Variants in ZFP37 observed in about 807,000 individuals in gnomAD.
ZFP37 encodes zinc finger protein 37 homolog.
ZFP37 carries 38 observed loss-of-function variants against 52.1 expected under a neutral mutation model. The ratio of observed to expected loss-of-function variants is 0.73; its 90% CI spans 0.56 to 0.96. ZFP37 has a LOEUF of 0.96. ZFP37 is among the 40% of genes least tolerant of loss of function. ZFP37 has a pLI of 0.00. For synonymous variants in ZFP37, 253 were observed against 259.5 expected (o/e 0.98, Z 0.24); for missense variants, 695 against 741.4 (o/e 0.94, Z 0.73).
chr9:113,045,743 A>C (rs2118694908), intron 3 of ZFP37, among the ~76,000 whole-genome samples: 1 of 152,304 alleles, frequency 6.6e-6, no homozygotes, highest in East Asian at 1.9e-4. Flanking sequence ...AAGAACCTGA[A>C]ATTGAAATTT....
rs777904870 is a variant in ZFP37, at chr9:113,049,398, T to C, written c.313A>G (p.Lys105Glu). 4 of 1,614,160 alleles carry C rather than the reference T, an allele frequency of 2.5e-6. No homozygotes were observed. Among genetic ancestry groups the C allele is most frequent in the Middle Eastern group, 3.3e-4 (2 of 6,062 alleles). The change falls in exon 3 of 4, where the codon AAA becomes GAA. Residue 105 changes from lysine to glutamate, a missense_variant. By Grantham distance (56) the Lys-to-Glu change is moderately conservative (BLOSUM62 1). This residue lies in a region of ZFP37 where 369 missense variants were observed against 340.9 expected (regional missense o/e 1.08). Coordinates refer to ENST00000374227, the MANE Select transcript of ZFP37 (RefSeq NM_003408.3). ...GKRPSQGCPS[K>E]IARPKQKETD... ...TCTTTTTGCTTGGGTCTTGCTATTT[T>C]ACTTGGACAACCTTGACTGGGTCTT...
At chr9:113,050,567 C>G (rs1193307915) in intron 1 of ZFP37, among the ~76,000 whole-genome samples, 1 of 151,176 alleles carries the variant, frequency 6.6e-6, no homozygotes, top group African/African-American at 2.4e-5. Context: ...ATTTATAGTT[C>G]TGAGGTAGAA....
At chr9:113,051,758 C>T (rs1211908514) in intron 1 of ZFP37, among the ~76,000 whole-genome samples, 1 of 152,092 alleles carries the variant, frequency 6.6e-6, no homozygotes, top group East Asian at 1.9e-4. Context: ...CCTGGCCAGA[C>T]CACCATTCAA....
rs1052741477 is a variant in ZFP37, at chr9:113,041,744, G to T, written c.*981C>A. On this transcript the variant is annotated 3_prime_UTR_variant, in exon 4 of 4. Transcript: ENST00000374227. ...ATAAGCATACAAAGATTTTAACTCT[G>T]TCAAAATCTGAGATCTCACATGTTG... 12 of 152,138 alleles carry T rather than the reference G, an allele frequency of 7.9e-5. No individual in the cohort carries two copies. Among genetic ancestry groups the T allele is most frequent in the Non-Finnish European group, 1.5e-4 (10 of 68,028 alleles). The allele number at this position is 152,138 out of a possible 1,614,324, so 9.4% of individuals were successfully genotyped here. A position where few individuals can be genotyped will look rare whatever the true frequency, so the allele number is the denominator to read the frequency against.
rs1275329574 is a variant in ZFP37 at position 113,043,814 on chromosome 9, T to C, written c.804A>G (p.Gly268=). ...GGCTGGGTGATTTCTCATGTTTCTC[T>C]CCAGTTTGAATTTTGTCCTGTTTAA... ...SHIKQDKIQT[G]EKHEKSPSLS... is the part of the protein sequence containing the mutation. Residue 268 remains glycine, a synonymous_variant, in exon 4 of 4, where the codon GGA becomes GGG. Coordinates refer to ENST00000374227, the MANE Select transcript of ZFP37 (RefSeq NM_003408.3). 4 of 1,613,944 alleles carry C rather than the reference T, an allele frequency of 2.5e-6. No individual in the cohort carries two copies. In the African/African-American group the frequency reaches 4.0e-5, roughly 16 times the overall value.
intron 3 of ZFP37, among the ~76,000 whole-genome samples, chr9:113,045,190 G>A (rs1828929402): frequency 6.6e-6 from 1 of 152,038 alleles, no homozygotes; most frequent in South Asian, 2.1e-4. Flanking sequence ...AAATAGGAAA[G>A]GTTATCCACT....
intron 3 of ZFP37, among the ~76,000 whole-genome samples, chr9:113,047,741 A>G (rs896789323): frequency 1.3e-5 from 2 of 152,256 alleles, no homozygotes; most frequent in East Asian, 3.8e-4. Context: ...TAGTAACTCT[A>G]TGGGAGACAG....
In ZFP37 at chr9:113,044,044, C is replaced by T; in HGVS notation, c.574G>A (p.Asp192Asn). ...KILKQNLDLP[D>N]HSRNCVKRKS... Reference sequence around the variant, plus strand: ...CTTTTTACACAGTTTCTTGAGTGATCAGGTAAATCTAAATTCTGTTTCAAA... The same window carrying T: ...CTTTTTACACAGTTTCTTGAGTGATTAGGTAAATCTAAATTCTGTTTCAAA... Residue 192 changes from aspartate (D) to asparagine (N), a missense_variant, in exon 4 of 4, where the codon GAT becomes AAT. Asp to Asn is a conservative substitution (Grantham distance 23). Coordinates refer to ENST00000374227, the MANE Select transcript of ZFP37 (RefSeq NM_003408.3). The T allele has an allele frequency of 6.2e-7, 1 of 1,612,034 alleles. No homozygotes were observed. The highest frequency in any genetic ancestry group is 8.5e-7 in the Non-Finnish European group (1 of 1,179,534).
Position 113,056,587 on chromosome 9 carries a change from C to T in ZFP37, c.102G>A (p.Met34Ile), listed in dbSNP as rs751328591. 1 of 1,613,960 alleles carries T rather than the reference C, an allele frequency of 6.2e-7. No individual in the cohort carries two copies. Among genetic ancestry groups the T allele is most frequent in the Non-Finnish European group, 8.5e-7 (1 of 1,180,030 alleles). Residue 34 changes from methionine to isoleucine, a missense_variant, in exon 1 of 4, where the codon ATG becomes ATA. Coordinates refer to ENST00000374227, the MANE Select transcript of ZFP37 (RefSeq NM_003408.3). ...TTKEAGRPLE[M>I]AVSEPEASAA... Reference sequence around the variant, plus strand: ...CGCTGGCCTCGGGCTCGGACACAGCCATCTCCAGTGGTCGCCCGGCCTCTT... The same window carrying T: ...CGCTGGCCTCGGGCTCGGACACAGCTATCTCCAGTGGTCGCCCGGCCTCTT...
At chr9:113,048,234 G>A (rs1475472274) in intron 3 of ZFP37, among the ~76,000 whole-genome samples, 1 of 152,178 alleles carries the variant, frequency 6.6e-6, no homozygotes, top group East Asian at 1.9e-4. Context: ...AGGAGTTAAG[G>A]AGAAAATGGA....
At chr9:113,053,656 T>C (rs1401054871) in intron 1 of ZFP37, among the ~76,000 whole-genome samples, 1 of 152,232 alleles carries the variant, frequency 6.6e-6, no homozygotes, top group African/African-American at 2.4e-5. Context: ...GAATTTGCTT[T>C]ATGCTTTCAA....
intron 1 of ZFP37, among the ~76,000 whole-genome samples, chr9:113,054,609 CA>C (rs1829110504): frequency 6.6e-6 from 1 of 152,202 alleles, no homozygotes; most frequent in South Asian, 2.1e-4. Flanking sequence ...ATCCCATTTC[CA>C]TCCACCAAAT....
Position 113,043,263 on chromosome 9 carries a change from A to G in ZFP37, c.1355T>C (p.Met452Thr), listed in dbSNP as rs199682371. 4.3e-6 allele frequency: 7 copies of G among 1,613,796 alleles called. No homozygotes were observed. The highest frequency in any genetic ancestry group is 5.1e-6 in the Non-Finnish European group (6 of 1,179,908). Reference sequence around the variant, plus strand: ...GGGTTTCTCACCTGTATGAATTCTCATGTGTTTAGTAAGGGATGAGCTATA... The same window carrying G: ...GGGTTTCTCACCTGTATGAATTCTCGTGTGTTTAGTAAGGGATGAGCTATA... ...FKYSSSLTKH[M>T]RIHTGEKPFE... Residue 452 changes from methionine (M) to threonine (T), a missense_variant, in exon 4 of 4, where the codon ATG becomes ACG. Around this residue, in one of 2 missense-constraint regions of ZFP37, gnomAD observed 326 missense variants for 400.5 expected, o/e 0.81. Coordinates refer to ENST00000374227, the MANE Select transcript of ZFP37 (RefSeq NM_003408.3).
At position 113,042,510 on chromosome 9, in the gene ZFP37, G is replaced by A. The variant is rs943374181; in HGVS notation, c.*215C>T. 2.4e-6 allele frequency: 1 copy of A among 410,894 alleles called. No individual in the cohort carries two copies. Among genetic ancestry groups the A allele is most frequent in the South Asian group, 6.9e-5 (1 of 14,560 alleles). The allele number at this position is 410,894 out of a possible 1,614,324, so 25.5% of individuals were successfully genotyped here. Reference sequence around the variant, plus strand: ...AACATGTAGATCATTTATAATAATTGAGTAGTTAAAACAATATTTTTTATA... The same window carrying A: ...AACATGTAGATCATTTATAATAATTAAGTAGTTAAAACAATATTTTTTATA... On this transcript the variant is annotated 3_prime_UTR_variant, in exon 4 of 4. Transcript: ENST00000374227.
intron 1 of ZFP37, among the ~76,000 whole-genome samples, chr9:113,051,722 TGA>T (rs1264961045): frequency 6.6e-6 from 1 of 152,172 alleles, no homozygotes; most frequent in Non-Finnish European, 1.5e-5. Context: ...CCCAAAGTGC[TGA>T]GATTACAGAT....
At chr9:113,050,082 T>C in intron 1 of ZFP37, 1 of 758,330 alleles carries the variant, frequency 1.3e-6, no homozygotes, top group East Asian at 3.3e-5. Context: ...ACAAAAACCA[T>C]ATTAAGAAAT....
Position 113,043,297 on chromosome 9 carries a change from C to T in ZFP37, c.1321G>A (p.Ala441Thr), listed in dbSNP as rs763454715. 5 of 1,613,978 alleles carry T rather than the reference C, an allele frequency of 3.1e-6. No individual in the cohort carries two copies. Among genetic ancestry groups the T allele is most frequent in the Middle Eastern group, 1.7e-4 (1 of 6,056 alleles). ...GTAAGGGATGAGCTATACTTAAAGG[C>T]TTTTCCACATTCATTGCATTCATAT... ...IPYECNECGK[A>T]FKYSSSLTKH... Residue 441 changes from alanine (A) to threonine (T), a missense_variant, in exon 4 of 4, where the codon GCC (alanine) becomes ACC (threonine). By Grantham distance (58) the Ala-to-Thr change is moderately conservative. This residue lies in a region of ZFP37 where 326 missense variants were observed against 400.5 expected (regional missense o/e 0.81). Transcript: ENST00000374227.
At position 113,055,717 on chromosome 9, in the gene ZFP37, A is replaced by C. The variant is rs76571124; in HGVS notation, c.132+840T>G. The stretch of plus-strand genomic sequence containing the variant: ...TATCACTCTCCACAGAACAATCATT[A>C]ACCTCCACAGATCTCCAATCACTGA... On this transcript the variant is annotated intron_variant, in intron 1 of 3. Transcript: ENST00000374227. Among the ~76,000 whole-genome samples, 869 of 152,230 alleles carry C rather than the reference A, an allele frequency of 5.7e-3. 9 individuals are homozygous for C. The highest frequency in any genetic ancestry group is 0.019 in the African/African-American group (800 of 41,518).
rs1828834223 is a variant in ZFP37, at chr9:113,040,850, TAAA to T, written c.*1872_*1874del. 6.6e-6 allele frequency: 1 copy of T among 152,182 alleles called. No homozygotes were observed. Among genetic ancestry groups the T allele is most frequent in the Admixed American group, 6.5e-5 (1 of 15,272 alleles). The allele number at this position is 152,182 out of a possible 1,614,324, so 9.4% of individuals were successfully genotyped here. A position where few individuals can be genotyped will look rare whatever the true frequency, so the allele number is the denominator to read the frequency against. Reference sequence around the variant, plus strand: ...TATATTATGTAAATTAATATTGTATTAAAATAAAGGTATGATGTTTTTGAAAAC... The same window carrying T: ...TATATTATGTAAATTAATATTGTATTATAAAGGTATGATGTTTTTGAAAAC... On this transcript the variant is annotated 3_prime_UTR_variant, in exon 4 of 4. Transcript: ENST00000374227.
Sources: allele counts gnomAD v4.1 joint callset (sites outside exome capture counted in the v4.1 genomes callset), GRCh38; gene constraint gnomAD v4.1.1; regional missense constraint gnomAD v4.1.1; transcripts MANE v1.5; gene names NCBI Gene and HGNC (gene_info 2026-07-23, HGNC 2026-07-21).